Variants in LIMCH1 observed in about 807,000 individuals in gnomAD.
The protein encoded by LIMCH1 is LIM and calponin homology domains-containing protein 1.
Under a neutral mutation model 176.5 loss-of-function variants are expected in LIMCH1, and 113 were observed. The ratio of observed to expected loss-of-function variants is 0.64; its 90% CI spans 0.55 to 0.75. LIMCH1 has a LOEUF of 0.75. Ranked by LOEUF, LIMCH1 falls within the 30% of genes least tolerant of loss-of-function variation. LIMCH1 has a pLI of 0.00. For missense variants in LIMCH1, 1,674 were observed against 1,814.9 expected, an observed-to-expected ratio of 0.92 and a Z score of 1.41; for synonymous variants, 619 against 645.9, an observed-to-expected ratio of 0.96 and a Z score of 0.63.
chr4:41,691,333 C>T (rs371513539), intron 30 of LIMCH1, among the ~76,000 whole-genome samples: 2 of 152,254 alleles, frequency 1.3e-5, no homozygotes, highest in African/African-American at 4.8e-5. Context: ...GCCTTTCTAC[C>T]CTTCTGGTAC....
At chr4:41,588,398 G>C (rs945303737) in intron 1 of LIMCH1, among the ~76,000 whole-genome samples, 1 of 152,094 alleles carries the variant, frequency 6.6e-6, no homozygotes, top group Admixed American at 6.5e-5. Context: ...GATTGGAAGA[G>C]GGGGCTGACC....
chr4:41,436,831 C>G (rs2062136036), intron 1 of LIMCH1, among the ~76,000 whole-genome samples: 1 of 152,036 alleles, frequency 6.6e-6, no homozygotes, highest in South Asian at 2.1e-4. Context: ...AGATATAAAG[C>G]AGAAAATTAG....
At chr4:41,610,358 C>T (rs546366071) in intron 4 of LIMCH1, among the ~76,000 whole-genome samples, 1 of 152,210 alleles carries the variant, frequency 6.6e-6, no homozygotes, top group African/African-American at 2.4e-5. Context: ...CGGTCCGCCT[C>T]CCTGAGTGTC....
intron 25 of LIMCH1, among the ~76,000 whole-genome samples, chr4:41,681,819 TAAAA>T (rs1329630056): frequency 6.6e-6 from 1 of 151,684 alleles, no homozygotes; most frequent in Non-Finnish European, 1.5e-5. Context: ...AGACAACAAA[TAAAA>T]AAACCTAAAT....
At chr4:41,658,324 A>G (rs2094520420) in intron 18 of LIMCH1, among the ~76,000 whole-genome samples, 1 of 152,224 alleles carries the variant, frequency 6.6e-6, no homozygotes, top group Non-Finnish European at 1.5e-5. Context: ...AAGTTACCGT[A>G]TCAAATGTCA....
chr4:41,676,015 G>C (rs938781826), intron 22 of LIMCH1, among the ~76,000 whole-genome samples: 1 of 152,202 alleles, frequency 6.6e-6, no homozygotes, highest in Non-Finnish European at 1.5e-5. Context: ...AACTGGTCTC[G>C]TTTGCTTGGA....
intron 1 of LIMCH1, among the ~76,000 whole-genome samples, chr4:41,364,218 C>T (rs1437032345): frequency 6.6e-6 from 1 of 152,038 alleles, no homozygotes; most frequent in East Asian, 1.9e-4. Flanking sequence ...AGGATTAAAT[C>T]AATTAATATA....
chr4:41,368,834 T>C (rs1409561441), intron 1 of LIMCH1, among the ~76,000 whole-genome samples: 9 of 152,172 alleles, frequency 5.9e-5, no homozygotes, highest in Non-Finnish European at 1.0e-4. Flanking sequence ...AGATAAGAAC[T>C]CTTCTAAGAA....
At chr4:41,435,702 C>T (rs2062014960) in intron 1 of LIMCH1, among the ~76,000 whole-genome samples, 3 of 152,160 alleles carry the variant, frequency 2.0e-5, no homozygotes. Flanking sequence ...GAGTGAAGTT[C>T]AGTAACTTTG....
In LIMCH1 at chr4:41,598,855, G is replaced by A. The variant is rs73810280; in HGVS notation, c.-240-65G>A. On this transcript the variant is annotated intron_variant, in intron 1 of 31. Transcript: ENST00000503057. ...TGACCAGTATCCCTACAGCAACTTG[G>A]GAGGGGCTGGTTCATAAAGATAATC... is the stretch of plus-strand genomic sequence containing the variant. 4,446 of 1,015,556 alleles carry A rather than the reference G, an allele frequency of 4.4e-3. 114 individuals carry two copies. The African/African-American group carries it at 0.061, about 14-fold the overall frequency. 62.9% of individuals were successfully genotyped at this position (1,015,556 alleles called of 1,614,324 possible). A position where few individuals can be genotyped will look rare whatever the true frequency, so the allele number is the denominator to read the frequency against.
intron 2 of LIMCH1, among the ~76,000 whole-genome samples, chr4:41,522,875 T>G (rs1449328672): frequency 1.3e-5 from 2 of 152,150 alleles, no homozygotes; most frequent in Non-Finnish European, 2.9e-5. Flanking sequence ...AAAGAAGCAT[T>G]TTTAAAAGGT....
At chr4:41,414,354 A>T (rs1212657775) in intron 1 of LIMCH1, among the ~76,000 whole-genome samples, 3 of 152,128 alleles carry the variant, frequency 2.0e-5, no homozygotes, top group Non-Finnish European at 4.4e-5. Flanking sequence ...ATCTTAAATT[A>T]AAAAACCGTT....
At chr4:41,591,631 A>G (rs2087587187) in intron 1 of LIMCH1, among the ~76,000 whole-genome samples, 1 of 151,950 alleles carries the variant, frequency 6.6e-6, no homozygotes, top group Admixed American at 6.5e-5. Flanking sequence ...TTACATTTTA[A>G]TATTTTCCAC....
chr4:41,481,098 T>C (rs1278363289), intron 1 of LIMCH1, among the ~76,000 whole-genome samples: 6 of 151,994 alleles, frequency 3.9e-5, no homozygotes, highest in East Asian at 3.9e-4. Flanking sequence ...ATGATGAAAA[T>C]ATAAATGGAT....
chr4:41,557,006 C>T (rs2081358848), intron 1 of LIMCH1, among the ~76,000 whole-genome samples: 1 of 152,178 alleles, frequency 6.6e-6, no homozygotes, highest in Non-Finnish European at 1.5e-5. Flanking sequence ...CCATTCGACA[C>T]AGAATTCTGT....
chr4:41,398,368 G>C (rs756920055), intron 1 of LIMCH1, among the ~76,000 whole-genome samples: 3 of 152,082 alleles, frequency 2.0e-5, no homozygotes, highest in Non-Finnish European at 4.4e-5. Flanking sequence ...TGGCCAGACT[G>C]TGGGCTCATC....
intron 1 of LIMCH1, among the ~76,000 whole-genome samples, chr4:41,392,206 A>G (rs2057329856): frequency 6.6e-6 from 1 of 152,250 alleles, no homozygotes; most frequent in African/African-American, 2.4e-5. Context: ...CTGCCCTCCT[A>G]GAGCTTACAT....
At chr4:41,607,777 T>C (rs995350629) in intron 4 of LIMCH1, among the ~76,000 whole-genome samples, 34 of 152,212 alleles carry the variant, frequency 2.2e-4, no homozygotes, top group African/African-American at 8.2e-4. Context: ...TTACCCTTTT[T>C]GTTGAATGTA....
At chr4:41,525,470 G>T (rs766824063) in intron 3 of LIMCH1, among the ~76,000 whole-genome samples, 37 of 152,162 alleles carry the variant, frequency 2.4e-4, no homozygotes, top group Non-Finnish European at 4.7e-4. Flanking sequence ...AACCAATTGT[G>T]TTTGAGAATT....
Sources: gnomAD v4.1 joint callset for allele counts (sites outside exome capture counted in the v4.1 genomes callset) on GRCh38, gnomAD v4.1.1 for gene constraint, MANE v1.5 for transcripts, NCBI Gene and HGNC (gene_info 2026-07-23, HGNC 2026-07-21) for gene names.